The following ZFYVE27 variants were observed in gnomAD, a reference collection of about 807,000 sequenced individuals.
ZFYVE27 encodes the protein protrudin.
ZFYVE27 carries 36 observed loss-of-function variants against 52.8 expected under a neutral mutation model. The observed-to-expected ratio is 0.68, with a 90% confidence interval of 0.52 to 0.90. ZFYVE27 has a LOEUF of 0.90. Ranked by LOEUF, ZFYVE27 falls within the 40% of genes least tolerant of loss-of-function variation. ZFYVE27 has a pLI of 0.00. For synonymous variants in ZFYVE27, 223 were observed against 215.6 expected, an observed-to-expected ratio of 1.03 and a Z score of -0.30; for missense variants, 450 against 527.2, an observed-to-expected ratio of 0.85 and a Z score of 1.43.
intron 12 of ZFYVE27, 130 bp downstream of exon 12, chr10:97,757,853 C>A (rs1185184173): frequency 4.8e-6 from 4 of 829,840 alleles, no homozygotes; most frequent in Middle Eastern, 5.8e-4. Context: ...GGAACGTTTC[C>A]TCCATCCCCT....
chr10:97,757,530 C>A, intron 11 of ZFYVE27, 112 bp from the exon 12 acceptor site: 1 of 1,355,808 alleles, frequency 7.4e-7, no homozygotes, highest in Non-Finnish European at 1.1e-6. Context: ...ACTTGGGCAC[C>A]CCCCAGGCCC....
chr10:97,757,868 C>G, intron 12 of ZFYVE27, 145 bp downstream of exon 12: 1 of 683,870 alleles, frequency 1.5e-6, no homozygotes, highest in Non-Finnish European at 2.6e-6. Context: ...TCCCCTTTAG[C>G]AAAATCCTGA....
At chr10:97,757,447 G>C in intron 11 of ZFYVE27, 136 bp downstream of exon 11, 1 of 1,348,984 alleles carries the variant, frequency 7.4e-7, no homozygotes, top group Non-Finnish European at 1.1e-6. Context: ...GAGTGAGTGT[G>C]CCCTCCCCTG....
Position 97,748,267 on chromosome 10 carries a change from A to G in ZFYVE27, c.456-2A>G, listed in dbSNP as rs1564819053. 1 of 1,613,848 alleles carries G rather than the reference A, an allele frequency of 6.2e-7. No homozygotes were observed. The highest frequency in any genetic ancestry group is 8.5e-7 in the Non-Finnish European group (1 of 1,180,016). On this transcript the variant is annotated splice_acceptor_variant, in intron 4 of 12. Transcript: ENST00000684270. LOFTEE classifies it high-confidence loss of function. Reference sequence around the variant, plus strand: ...CACTCACCAAAGCCCCTGTGTCTGTAGCTTGATCCAGCTGGAGGCCTTCCT... The same window carrying G: ...CACTCACCAAAGCCCCTGTGTCTGTGGCTTGATCCAGCTGGAGGCCTTCCT...
intron 1 of ZFYVE27, 52 bp from the exon 2 acceptor site, chr10:97,738,425 G>T: frequency 6.3e-7 from 1 of 1,594,870 alleles, no homozygotes. Flanking sequence ...AGGTAGAATT[G>T]TGTTGAGGAC....
At chr10:97,742,960 C>A in intron 2 of ZFYVE27, 134 bp from the exon 3 acceptor site, 1 of 929,664 alleles carries the variant, frequency 1.1e-6, no homozygotes, top group Non-Finnish European at 1.8e-6. Flanking sequence ...TGAGAGGCCC[C>A]CTTTTCGTTT....
chr10:97,740,923 C>T (rs1352689334), intron 2 of ZFYVE27, among the ~76,000 whole-genome samples: 1 of 152,144 alleles, frequency 6.6e-6, no homozygotes, highest in African/African-American at 2.4e-5. Flanking sequence ...TCAGTAAAGA[C>T]ATTTTATAGA....
intron 12 of ZFYVE27, chr10:97,757,985 C>G (rs1394756642): frequency 1.1e-5 from 5 of 458,730 alleles, no homozygotes; most frequent in Non-Finnish European, 2.0e-5. Flanking sequence ...AAAACAAGAG[C>G]CCTGGCAACA....
intron 12 of ZFYVE27, 59 bp downstream of exon 12, chr10:97,757,782 T>A: frequency 6.4e-7 from 1 of 1,568,248 alleles, no homozygotes; most frequent in South Asian, 1.1e-5. Context: ...GATGTCACGC[T>A]GTGGCACAGA....
chr10:97,757,629 C>T lies in ZFYVE27; in HGVS notation c.1090-13C>T, dbSNP rs767864575. On this transcript the variant is annotated splice_polypyrimidine_tract_variant and intron_variant, in intron 11 of 12. Transcript: ENST00000684270. ...GGGTGAGGGACACATCTGACCTTGG[C>T]TCTTGTCTGCAGCGGAGCTGCAGTA... 2.5e-6 allele frequency: 4 copies of T among 1,613,994 alleles called. No homozygotes were observed. Among genetic ancestry groups the T allele is most frequent in the Admixed American group, 3.3e-5 (2 of 60,024 alleles).
rs540889682 is a variant in ZFYVE27, at chr10:97,754,936, A to G, written c.1042+1754A>G. ...TTTGCCCAGAGACTTTGGCCTGGAA[A>G]TGGTGGAGCTGTGACTCAAATTCAG... is the stretch of plus-strand genomic sequence containing the variant. On this transcript the variant is annotated intron_variant, in intron 10 of 12. Coordinates refer to ENST00000684270, the MANE Select transcript of ZFYVE27 (RefSeq NM_001385875.1). The G allele has an allele frequency of 8.2e-5, 55 of 670,490 alleles. No individual in the cohort carries two copies. The South Asian group carries it at 1.9e-3, about 23-fold the overall frequency. The allele number at this position is 670,490 out of a possible 1,614,324, so 41.5% of individuals were successfully genotyped here. A position where few individuals can be genotyped will look rare whatever the true frequency, so the allele number is the denominator to read the frequency against.
In ZFYVE27 at chr10:97,741,549, G is replaced by A. The variant is rs186346841; in HGVS notation, c.198-1545G>A. ...AAACACCACATGTTCTCACTCATAAGTGGGAGTTGAACAGTGAGAACACAT... is the reference window on the plus strand; with the variant it reads ...AAACACCACATGTTCTCACTCATAAATGGGAGTTGAACAGTGAGAACACAT... On this transcript the variant is annotated intron_variant, in intron 2 of 12. Transcript: ENST00000684270. 4.8e-4 allele frequency among the ~76,000 whole-genome samples: 73 copies of A among 152,254 alleles called. 1 individual carries two copies. Among genetic ancestry groups the A allele is most frequent in the Admixed American group, 8.5e-4 (13 of 15,300 alleles).
At chr10:97,756,053 C>T (rs764891431) in intron 10 of ZFYVE27, among the ~76,000 whole-genome samples, 1 of 152,134 alleles carries the variant, frequency 6.6e-6, no homozygotes, top group Non-Finnish European at 1.5e-5. Context: ...GGTGCTTGGC[C>T]CTGACATTCC....
chr10:97,742,660 AT>A (rs2044050508), intron 2 of ZFYVE27, among the ~76,000 whole-genome samples: 3 of 152,168 alleles, frequency 2.0e-5, no homozygotes, highest in Admixed American at 2.0e-4. Flanking sequence ...GAAGTCCACA[AT>A]TTGTTTTTTC....
intron 5 of ZFYVE27, 56 bp downstream of exon 5, chr10:97,748,420 G>T: frequency 2.5e-6 from 4 of 1,571,856 alleles, no homozygotes; most frequent in Non-Finnish European, 3.5e-6. Context: ...GCTTGAGCCC[G>T]AGCAAAGCCA....
chr10:97,758,336 T>C (rs1329759020), intron 12 of ZFYVE27, among the ~76,000 whole-genome samples: 4 of 151,492 alleles, frequency 2.6e-5, no homozygotes, highest in African/African-American at 9.7e-5. Flanking sequence ...TTTTTTTTTT[T>C]TTTTGAGACG....
intron 10 of ZFYVE27, among the ~76,000 whole-genome samples, chr10:97,757,026 G>A (rs927601851): frequency 3.9e-5 from 6 of 152,154 alleles, no homozygotes; most frequent in African/African-American, 1.2e-4. Context: ...ACTCAGCTCT[G>A]GAAGGGTTCA....
At chr10:97,744,550 A>T (rs745757353) in intron 3 of ZFYVE27, among the ~76,000 whole-genome samples, 179 bp from the exon 4 acceptor site, 2 of 152,246 alleles carry the variant, frequency 1.3e-5, no homozygotes, top group Non-Finnish European at 2.9e-5. Context: ...TCTATGAGGA[A>T]TGAAGCTGGG....
At chr10:97,748,141 C>G in intron 4 of ZFYVE27, 128 bp from the exon 5 acceptor site, 1 of 890,838 alleles carries the variant, frequency 1.1e-6, no homozygotes, top group Non-Finnish European at 1.8e-6. Flanking sequence ...CGACTCCTCT[C>G]TCTTTAAGCA....
Sources: allele counts gnomAD v4.1 joint callset (sites outside exome capture counted in the v4.1 genomes callset), GRCh38; gene constraint gnomAD v4.1.1; transcripts MANE v1.5; gene names NCBI Gene and HGNC (gene_info 2026-07-23, HGNC 2026-07-21).